HCRTR2: variants seen among roughly 807,000 people sequenced by gnomAD.
The protein encoded by HCRTR2 is orexin receptor type 2.
Under a neutral mutation model 49.0 loss-of-function variants are expected in HCRTR2, and 22 were observed. That is an observed-to-expected ratio of 0.45 (90% CI 0.32 to 0.64). The LOEUF (loss-of-function observed/expected upper bound fraction) is 0.64. Ranked by LOEUF, HCRTR2 falls within the 30% of genes least tolerant of loss-of-function variation. The probability of loss-of-function intolerance (pLI) is 0.04; values close to 1 mark genes in which losing one functional copy is unlikely to be tolerated. For synonymous variants in HCRTR2, 236 were observed against 205.3 expected (o/e 1.15, Z -1.28); for missense variants, 491 against 559.4 (o/e 0.88, Z 1.23).
intron 1 of HCRTR2, among the ~76,000 whole-genome samples, chr6:55,132,388 G>A (rs1303209096): frequency 4.0e-5 from 6 of 151,848 alleles, no homozygotes; most frequent in Non-Finnish European, 8.9e-5. Context: ...TTCTAAAGAT[G>A]TCTGGGCAAA....
chr6:55,192,120 T>C (rs1348644046), intron 1 of HCRTR2, among the ~76,000 whole-genome samples: 2 of 152,204 alleles, frequency 1.3e-5, no homozygotes, highest in Non-Finnish European at 2.9e-5. Context: ...TGTATACTCA[T>C]ATGAACTTTA....
chr6:55,277,461 A>ACGAAGTCCC lies in HCRTR2; in HGVS notation c.845_853dup (p.Ser284_Arg285insProLysSer). On this transcript the variant is annotated inframe_insertion, in exon 5 of 7. Coordinates refer to ENST00000370862, the MANE Select transcript of HCRTR2 (RefSeq NM_001384272.1). ...ACAGCCTCGAGGGCCAGGACAGCCA[A>ACGAAGTCCC]CGAAGTCCCGGATGAGCGCTGTGGC... 1 of 1,614,132 alleles carries ACGAAGTCCC rather than the reference A, an allele frequency of 6.2e-7. No homozygotes were observed. The highest frequency in any genetic ancestry group is 1.1e-5 in the South Asian group (1 of 91,082).
intron 5 of HCRTR2, among the ~76,000 whole-genome samples, 194 bp from the exon 6 acceptor site, chr6:55,280,129 T>G (rs1226133037): frequency 1.3e-5 from 2 of 152,214 alleles, no homozygotes; most frequent in African/African-American, 4.8e-5. Context: ...TGGCTTTTGA[T>G]TTATTGATTG....
intron 1 of HCRTR2, among the ~76,000 whole-genome samples, chr6:55,193,633 C>T (rs987574229): frequency 4.0e-5 from 6 of 151,634 alleles, no homozygotes; most frequent in Non-Finnish European, 7.4e-5. Context: ...ATGGTCCTCA[C>T]CTCACCCCAT....
chr6:55,133,656 A>G (rs1258322179), intron 1 of HCRTR2, among the ~76,000 whole-genome samples: 4 of 134,996 alleles, frequency 3.0e-5, no homozygotes, highest in Non-Finnish European at 4.8e-5. Flanking sequence ...TTATCTATCT[A>G]TCTATCATCT....
chr6:55,221,005 C>T (rs957327435), intron 1 of HCRTR2, among the ~76,000 whole-genome samples: 3 of 152,086 alleles, frequency 2.0e-5, no homozygotes, highest in African/African-American at 7.2e-5. Flanking sequence ...AGGCTAACGA[C>T]TTATACACTG....
intron 1 of HCRTR2, among the ~76,000 whole-genome samples, chr6:55,190,578 T>C (rs1227628931): frequency 2.6e-5 from 4 of 152,214 alleles, no homozygotes; most frequent in Non-Finnish European, 4.4e-5. Flanking sequence ...ATCTTTTGTG[T>C]CTGTACCTTT....
At chr6:55,115,387 A>T (rs930373904) in intron 1 of HCRTR2, among the ~76,000 whole-genome samples, 2 of 151,698 alleles carry the variant, frequency 1.3e-5, no homozygotes, top group Non-Finnish European at 3.0e-5. Context: ...AAGTAGTTGT[A>T]TTAAATTGGG....
chr6:55,244,397 G>A (rs531777459), intron 1 of HCRTR2, among the ~76,000 whole-genome samples: 2 of 151,950 alleles, frequency 1.3e-5, no homozygotes, highest in Non-Finnish European at 2.9e-5. Flanking sequence ...ACAACGCATG[G>A]GGAAACTATT....
chr6:55,132,160 C>T (rs930500946), intron 1 of HCRTR2, among the ~76,000 whole-genome samples: 1 of 151,848 alleles, frequency 6.6e-6, no homozygotes, highest in Non-Finnish European at 1.5e-5. Context: ...AAGTTAATGA[C>T]TATCACAAAA....
In HCRTR2 at chr6:55,277,494, A is replaced by C; in HGVS notation, c.877A>C (p.Ile293Leu). The C allele has an allele frequency of 6.2e-7, 1 of 1,614,120 alleles. No individual in the cohort carries two copies. Among genetic ancestry groups the C allele is most frequent in the Non-Finnish European group, 8.5e-7 (1 of 1,180,018 alleles). ...CCGGATGAGCGCTGTGGCGGCTGAA[A>C]TAAAGCAGATCCGAGCCAGAAGGAA... ...KSRMSAVAAEIKQIRARRKTA... is the reference protein window; with the variant it reads ...KSRMSAVAAELKQIRARRKTA... The change falls in exon 5 of 7, where the codon ATA (isoleucine) becomes CTA (leucine). Residue 293 changes from isoleucine (I) to leucine (L), a missense_variant. Transcript: ENST00000370862.
At chr6:55,213,010 T>C (rs1378900738) in intron 1 of HCRTR2, among the ~76,000 whole-genome samples, 1 of 151,942 alleles carries the variant, frequency 6.6e-6, no homozygotes, top group South Asian at 2.1e-4. Context: ...TTTCCAATTG[T>C]ATGTGGATCA....
intron 1 of HCRTR2, among the ~76,000 whole-genome samples, chr6:55,162,175 T>C (rs779130760): frequency 3.6e-4 from 55 of 152,174 alleles, no homozygotes; most frequent in Non-Finnish European, 6.9e-4. Flanking sequence ...ATGCAAGGCT[T>C]GTTCAACATA....
At chr6:55,118,574 CT>C (rs1314421866) in intron 1 of HCRTR2, among the ~76,000 whole-genome samples, 1 of 151,688 alleles carries the variant, frequency 6.6e-6, no homozygotes, top group African/African-American at 2.4e-5. Flanking sequence ...TATGTTTTAA[CT>C]TTTTAATAAT....
At chr6:55,142,431 A>G (rs1278582148) in intron 1 of HCRTR2, among the ~76,000 whole-genome samples, 1 of 148,192 alleles carries the variant, frequency 6.7e-6, no homozygotes, top group Admixed American at 6.8e-5. Flanking sequence ...GATGGTCTCG[A>G]TCTCCTGACC....
At chr6:55,200,904 C>G (rs1288129412) in intron 1 of HCRTR2, among the ~76,000 whole-genome samples, 1 of 151,912 alleles carries the variant, frequency 6.6e-6, no homozygotes, top group East Asian at 1.9e-4. Context: ...ATTTTGTTAT[C>G]TAGTGTTGTC....
intron 1 of HCRTR2, among the ~76,000 whole-genome samples, chr6:55,203,629 G>A (rs150357533): frequency 3.2e-4 from 48 of 152,238 alleles, no homozygotes; most frequent in African/African-American, 9.4e-4. Context: ...CAAGTGGATG[G>A]TCACCTTCTC....
At chr6:55,143,279 T>A (rs1764534403) in intron 1 of HCRTR2, among the ~76,000 whole-genome samples, 1 of 152,164 alleles carries the variant, frequency 6.6e-6, no homozygotes, top group African/African-American at 2.4e-5. Context: ...AACTCTGTCA[T>A]CCTTATCTAC....
chr6:55,274,481 C>T (rs1408576139), intron 4 of HCRTR2, among the ~76,000 whole-genome samples: 2 of 151,274 alleles, frequency 1.3e-5, no homozygotes, highest in African/African-American at 4.8e-5. Context: ...TTGCTAAATT[C>T]TTTTATAAGT....
Sources: gnomAD v4.1 joint callset for allele counts (sites outside exome capture counted in the v4.1 genomes callset) on GRCh38, gnomAD v4.1.1 for gene constraint, MANE v1.5 for transcripts, NCBI Gene and HGNC (gene_info 2026-07-23, HGNC 2026-07-21) for gene names.